The following ZNF761 variants were observed in gnomAD, a reference collection of about 807,000 sequenced individuals.
ZNF761 encodes zinc finger protein 761.
ZNF761 carries 43 observed loss-of-function variants against 59.9 expected under a neutral mutation model. The ratio of observed to expected loss-of-function variants is 0.72; its 90% CI spans 0.56 to 0.92. The LOEUF is 0.92. Ranked by LOEUF, ZNF761 falls within the 40% of genes least tolerant of loss-of-function variation. The pLI is 0.00. For missense variants in ZNF761, 850 were observed against 906.1 expected, an observed-to-expected ratio of 0.94 and a Z score of 0.79; for synonymous variants, 294 against 304.8, an observed-to-expected ratio of 0.96 and a Z score of 0.37.
chr19:53,432,387 C>T (rs1021489946), intron 1 of ZNF761, among the ~76,000 whole-genome samples: 1 of 152,176 alleles, frequency 6.6e-6, no homozygotes, highest in Non-Finnish European at 1.5e-5. Context: ...GCCCCAGTCC[C>T]GGAAAGGCCG....
At chr19:53,439,663 A>T (rs1568802376) in intron 1 of ZNF761, among the ~76,000 whole-genome samples, 1 of 152,152 alleles carries the variant, frequency 6.6e-6, no homozygotes, top group African/African-American at 2.4e-5. Flanking sequence ...CACTGGATGG[A>T]TAGTTACTGT....
At chr19:53,444,974 C>CT (rs1243352553) in intron 1 of ZNF761, 1 of 137,640 alleles carries the variant, frequency 7.3e-6, no homozygotes. Flanking sequence ...TCTTTTTTTT[C>CT]TTTTTTTTCT....
In ZNF761 at chr19:53,432,381, C is replaced by G. The variant is rs183261414; in HGVS notation, c.-185+353C>G. Among the ~76,000 whole-genome samples the G allele has an allele frequency of 5.0e-4, 76 of 152,300 alleles. 2 individuals carry two copies. In the East Asian group the frequency reaches 8.9e-3, roughly 18 times the overall value. On this transcript the variant is annotated intron_variant, in intron 1 of 4. Coordinates refer to ENST00000684525, the MANE Select transcript of ZNF761 (RefSeq NM_001289951.2). ...CCCCTGGAGCCCAGCGCCGCTGCCC[C>G]AGTCCCGGAAAGGCCGCGTCCTCTG...
chr19:53,454,128 C>A (rs570739825), intron 4 of ZNF761, among the ~76,000 whole-genome samples: 2 of 152,142 alleles, frequency 1.3e-5, no homozygotes, highest in African/African-American at 4.8e-5. Context: ...TGGGCCACCA[C>A]GCCTGGCTAC....
intron 1 of ZNF761, among the ~76,000 whole-genome samples, chr19:53,435,773 A>C (rs577005633): frequency 6.6e-6 from 1 of 152,186 alleles, no homozygotes; most frequent in African/African-American, 2.4e-5. Context: ...AAAACAGTGT[A>C]CAGCATGTTC....
chr19:53,436,275 T>C (rs116662386), intron 1 of ZNF761, among the ~76,000 whole-genome samples: 23 of 152,202 alleles, frequency 1.5e-4, no homozygotes, highest in African/African-American at 5.5e-4. Flanking sequence ...CTAAACAGAG[T>C]CTCCATGTTG....
At chr19:53,452,241 G>A (rs578251448) in intron 4 of ZNF761, among the ~76,000 whole-genome samples, 5 of 152,094 alleles carry the variant, frequency 3.3e-5, no homozygotes, top group Admixed American at 6.5e-5. Flanking sequence ...CCAGCACTTT[G>A]GGAGGCTGAG....
chr19:53,450,754 T>C (rs775170939), intron 4 of ZNF761, among the ~76,000 whole-genome samples: 11 of 152,106 alleles, frequency 7.2e-5, no homozygotes, highest in South Asian at 2.1e-4. Flanking sequence ...CCCAGCACTT[T>C]GGGAGGCTGA....
intron 1 of ZNF761, chr19:53,443,803 G>C (rs922857383): frequency 1.3e-5 from 2 of 152,196 alleles, no homozygotes; most frequent in African/African-American, 4.8e-5. Context: ...AGATCAGACT[G>C]TTACTGTGCC....
At chr19:53,448,024 C>T (rs1414512843) in intron 3 of ZNF761, among the ~76,000 whole-genome samples, 1 of 152,046 alleles carries the variant, frequency 6.6e-6, no homozygotes, top group Non-Finnish European at 1.5e-5. Context: ...TTTAAATATG[C>T]AGAGTCTTGC....
intron 4 of ZNF761, among the ~76,000 whole-genome samples, chr19:53,453,552 C>G (rs1477869787): frequency 1.3e-5 from 2 of 152,066 alleles, no homozygotes; most frequent in Non-Finnish European, 1.5e-5. Flanking sequence ...ATGTGGTATG[C>G]AATATAACTG....
rs766216657 is a variant in ZNF761, at chr19:53,454,976, G to A, written c.469G>A (p.Glu157Lys). Residue 157 changes from glutamate to lysine, a missense_variant, in exon 5 of 5, where the codon GAA becomes AAA. Physicochemically the swap from Glu to Lys is moderately conservative, Grantham distance 56 (BLOSUM62 1). Transcript: ENST00000684525. ...HLPEMHIFQT[E>K]EKIDNQVVKS... ...GCCTGAAATGCACATATTTCAGACCGAAGAGAAAATTGATAATCAAGTTGT... is the reference window on the plus strand; with the variant it reads ...GCCTGAAATGCACATATTTCAGACCAAAGAGAAAATTGATAATCAAGTTGT... 9.9e-6 allele frequency: 16 copies of A among 1,614,010 alleles called. No homozygotes were observed. The highest frequency in any genetic ancestry group is 3.3e-5 in the South Asian group (3 of 91,082).
chr19:53,449,558 A>G lies in ZNF761; in HGVS notation c.62A>G (p.Glu21Gly), dbSNP rs2086197120. ...RDVAIEFSQE[E>G]WKCLDPAQRT... ...GTGGCCATAGAATTCTCTCAGGAGG[A>G]GTGGAAATGCCTGGACCCTGCTCAG... Residue 21 changes from glutamate to glycine, a missense_variant, in exon 4 of 5, where the codon GAG (glutamate) becomes GGG (glycine). Glu to Gly is a moderately conservative substitution (Grantham distance 98, BLOSUM62 -2). Coordinates refer to ENST00000684525, the MANE Select transcript of ZNF761 (RefSeq NM_001289951.2). 6.2e-7 allele frequency: 1 copy of G among 1,613,574 alleles called. No homozygotes were observed. Among genetic ancestry groups the G allele is most frequent in the Non-Finnish European group, 8.5e-7 (1 of 1,179,870 alleles).
Position 53,457,691 on chromosome 19 carries a change from T to C in ZNF761, c.*943T>C, listed in dbSNP as rs1368636750. The C allele has an allele frequency of 4.6e-6, 1 of 217,684 alleles. No individual in the cohort carries two copies. Among genetic ancestry groups the C allele is most frequent in the Non-Finnish European group, 9.9e-6 (1 of 101,226 alleles). 13.5% of individuals were successfully genotyped at this position (217,684 alleles called of 1,614,324 possible). A position where few individuals can be genotyped will look rare whatever the true frequency, so the allele number is the denominator to read the frequency against. ...AAGCATTAATTGACATTAGTGTTTA[T>C]GTTAAGAGGATTGGGCCAGGCACAT... On this transcript the variant is annotated 3_prime_UTR_variant, in exon 5 of 5. Transcript: ENST00000684525.
rs1324800863 is a variant in ZNF761, at chr19:53,456,468, G to T, written c.1961G>T (p.Arg654Ile). ...AAATCAAACCTTGAAGGACATAGGA[G>T]AATTCATACTGGAGAGAAACCTTAC... ...RVKSNLEGHR[R>I]IHTGEKPYKC... Residue 654 changes from arginine (R) to isoleucine (I), a missense_variant, in exon 5 of 5, where the codon AGA becomes ATA. By Grantham distance (97) the Arg-to-Ile change is moderately conservative (BLOSUM62 -3). Coordinates refer to ENST00000684525, the MANE Select transcript of ZNF761 (RefSeq NM_001289951.2). 3 of 1,613,332 alleles carry T rather than the reference G, an allele frequency of 1.9e-6. No homozygotes were observed. The highest frequency in any genetic ancestry group is 2.5e-6 in the Non-Finnish European group (3 of 1,179,832).
rs766974721 is a variant in ZNF761, at chr19:53,456,347, A to G, written c.1840A>G (p.Thr614Ala). ...NPYKCNECGK[T>A]FSRTSSLTCH... ...TTACAAGTGTAATGAGTGTGGCAAG[A>G]CCTTCAGTCGGACGTCATCCCTTAC... The change falls in exon 5 of 5, where the codon ACC (threonine) becomes GCC (alanine). Residue 614 changes from threonine to alanine, a missense_variant. Coordinates refer to ENST00000684525, the MANE Select transcript of ZNF761 (RefSeq NM_001289951.2). The G allele has an allele frequency of 9.3e-6, 15 of 1,611,494 alleles. 1 individual carries two copies. The South Asian group carries it at 1.4e-4, about 15-fold the overall frequency.
At chr19:53,447,150 T>G (rs2147134307) in intron 2 of ZNF761, 46 bp from the exon 3 acceptor site, 2 of 1,306,036 alleles carry the variant, frequency 1.5e-6, no homozygotes, top group East Asian at 2.4e-5. Context: ...TCCACGGAGG[T>G]GGCGTGTTGA....
At chr19:53,432,829 G>T (rs1464612197) in intron 1 of ZNF761, among the ~76,000 whole-genome samples, 2 of 151,928 alleles carry the variant, frequency 1.3e-5, no homozygotes, top group Non-Finnish European at 2.9e-5. Context: ...AAAAGCAAGT[G>T]CAGAAATGTA....
At chr19:53,451,363 A>G (rs1441695102) in intron 4 of ZNF761, among the ~76,000 whole-genome samples, 2 of 152,134 alleles carry the variant, frequency 1.3e-5, no homozygotes, top group Non-Finnish European at 2.9e-5. Context: ...GATGTGTGCC[A>G]CCACGCCTGG....
Sources: allele counts gnomAD v4.1 joint callset (sites outside exome capture counted in the v4.1 genomes callset), GRCh38; gene constraint gnomAD v4.1.1; transcripts MANE v1.5; gene names NCBI Gene and HGNC (gene_info 2026-07-23, HGNC 2026-07-21).